The following TRIM71 variants were observed in gnomAD, a reference collection of about 807,000 sequenced individuals.
The protein encoded by TRIM71 is E3 ubiquitin-protein ligase TRIM71.
TRIM71 carries 9 observed loss-of-function variants against 61.2 expected under a neutral mutation model. That is an observed-to-expected ratio of 0.15 (90% confidence interval 0.09 to 0.26). The LOEUF is 0.26. Among genes scored for constraint, TRIM71 ranks in the 10% least tolerant of loss-of-function variants. The pLI, the probability that TRIM71 is intolerant of heterozygous loss-of-function variation, is 1.00. For missense variants in TRIM71, 998 were observed against 1,238.7 expected (o/e 0.81, Z 2.92); for synonymous variants, 645 against 553.2 (o/e 1.17, Z -2.33).
At chr3:32,859,239 T>C (rs1187539167) in intron 1 of TRIM71, among the ~76,000 whole-genome samples, 2 of 152,206 alleles carry the variant, frequency 1.3e-5, no homozygotes, top group Non-Finnish European at 2.9e-5. Context: ...AAAAACATGA[T>C]GAGTGGTACC....
Position 32,825,384 on chromosome 3 carries a change from A to C in TRIM71, c.852+6452A>C, listed in dbSNP as rs576443929. ...CTGGTTCAAGAGAAATTTTCATTAA[A>C]TAATTCTGTAGCTCTAAAATTTAAC... On this transcript the variant is annotated intron_variant, in intron 1 of 3. Coordinates refer to ENST00000383763, the MANE Select transcript of TRIM71 (RefSeq NM_001039111.3). Among the ~76,000 whole-genome samples, 5 of 152,306 alleles carry C rather than the reference A, an allele frequency of 3.3e-5. No individual in the cohort carries two copies. In the East Asian group the frequency reaches 9.6e-4, roughly 29 times the overall value.
rs1398639664 is a variant in TRIM71, at chr3:32,890,178, C to G, written c.1156-182C>G. 6.6e-6 allele frequency among the ~76,000 whole-genome samples: 1 copy of G among 152,090 alleles called. No individual in the cohort carries two copies. The highest frequency in any genetic ancestry group is 1.5e-5 in the Non-Finnish European group (1 of 68,010). ...CTATCCTCTGTAACCCAGAACAGTTCTTCAGGTTTTTTGGTCCATTTTGAT... is the reference window on the plus strand; with the variant it reads ...CTATCCTCTGTAACCCAGAACAGTTGTTCAGGTTTTTTGGTCCATTTTGAT... On this transcript the variant is annotated intron_variant, in intron 3 of 3. Transcript: ENST00000383763. The surrounding 1 kb of genome is among the most constrained non-coding windows in gnomAD (Gnocchi z 6.2).
At chr3:32,862,557 C>T (rs1214484663) in intron 1 of TRIM71, among the ~76,000 whole-genome samples, 1 of 152,196 alleles carries the variant, frequency 6.6e-6, no homozygotes, top group East Asian at 1.9e-4. Context: ...TAAATGTCAG[C>T]CCCAAAGTAC....
Position 32,833,184 on chromosome 3 carries a change from T to TAAAAAAAAAAAAAAAAAAAAA in TRIM71, c.852+14260_852+14280dup, listed in dbSNP as rs1182178339. On this transcript the variant is annotated intron_variant, in intron 1 of 3. Transcript: ENST00000383763. The stretch of plus-strand genomic sequence containing the variant: ...GGTGACAAGAATGAAACTCTGTCTT[T>TAAAAAAAAAAAAAAAAAAAAA]AAAAAAAAAAAAAAAAAAAAAAAAA... Among the ~76,000 whole-genome samples the TAAAAAAAAAAAAAAAAAAAAA allele has an allele frequency of 4.4e-4, 24 of 54,428 alleles. 1 individual carries two copies. Among genetic ancestry groups the TAAAAAAAAAAAAAAAAAAAAA allele is most frequent in the East Asian group, 1.7e-3 (2 of 1,158 alleles). The allele number at this position is 54,428 out of a possible 152,430, so 35.7% of individuals were successfully genotyped here.
chr3:32,826,035 G>A (rs1696197236), intron 1 of TRIM71, among the ~76,000 whole-genome samples: 2 of 152,116 alleles, frequency 1.3e-5, no homozygotes, highest in African/African-American at 4.8e-5. Context: ...TGACTTAAAC[G>A]ATATTCCAAA....
In TRIM71 at chr3:32,818,882, C is replaced by T. The variant is rs1170657715; in HGVS notation, c.802C>T (p.Leu268Phe). The stretch of plus-strand genomic sequence containing the variant: ...CTTTCCCGGCCCGCCCTTCTCCATC[C>T]TCTCAGTGTTTCCCGAGCGCCTCGG... ...PPFPGPPFSI[L>F]SVFPERLGFC... The change falls in exon 1 of 4, where the codon CTC becomes TTC. Residue 268 changes from leucine (L) to phenylalanine (F), a missense_variant. Leu to Phe is a conservative substitution (Grantham distance 22). Transcript: ENST00000383763. 2.5e-6 allele frequency: 4 copies of T among 1,612,612 alleles called. No individual in the cohort carries two copies. Among genetic ancestry groups the T allele is most frequent in the Admixed American group, 1.7e-5 (1 of 59,936 alleles).
intron 1 of TRIM71, among the ~76,000 whole-genome samples, chr3:32,831,858 T>C (rs889790432): frequency 5.3e-5 from 8 of 152,200 alleles, no homozygotes; most frequent in African/African-American, 1.7e-4. Context: ...TTAAAAGATA[T>C]ATTTTGGTTG....
At chr3:32,868,295 A>T (rs1696760342) in intron 1 of TRIM71, among the ~76,000 whole-genome samples, 1 of 152,190 alleles carries the variant, frequency 6.6e-6, no homozygotes, top group African/African-American at 2.4e-5. Flanking sequence ...AGAATTCGGG[A>T]ATTCTTACTA....
chr3:32,823,198 G>T (rs114344702), intron 1 of TRIM71, among the ~76,000 whole-genome samples: 1,630 of 152,302 alleles, frequency 0.011, 14 homozygotes, highest in Middle Eastern at 0.031. Flanking sequence ...AAAATATATG[G>T]GAGGGAAATG....
At chr3:32,823,692 G>GCAGTGAGCC (rs1311158864) in intron 1 of TRIM71, among the ~76,000 whole-genome samples, 2 of 151,130 alleles carry the variant, frequency 1.3e-5, no homozygotes, top group Non-Finnish European at 3.0e-5. Context: ...GGCGGAGGTT[G>GCAGTGAGCC]CAGTGAGCCG....
intron 1 of TRIM71, among the ~76,000 whole-genome samples, chr3:32,870,086 T>G (rs981230291): frequency 1.2e-4 from 18 of 152,230 alleles, no homozygotes; most frequent in Non-Finnish European, 2.4e-4. Context: ...CAGAGAGAAT[T>G]ACATCCATGC....
Position 32,818,538 on chromosome 3 carries a change from C to T in TRIM71, c.458C>T (p.Ala153Val), listed in dbSNP as rs960944177. 1.2e-4 allele frequency: 157 copies of T among 1,340,430 alleles called. No individual in the cohort carries two copies. Among genetic ancestry groups the T allele is most frequent in the Non-Finnish European group, 1.4e-4 (152 of 1,050,728 alleles). The allele number at this position is 1,340,430 out of a possible 1,614,324, so 83.0% of individuals were successfully genotyped here. A position where few individuals can be genotyped will look rare whatever the true frequency, so the allele number is the denominator to read the frequency against. ...AGGHSNHRHH[A>V]HHAHPRASAS... Reference sequence around the variant, plus strand: ...GGCCACAGCAACCACCGGCACCACGCTCACCACGCGCACCCGCGCGCGTCC... The same window carrying T: ...GGCCACAGCAACCACCGGCACCACGTTCACCACGCGCACCCGCGCGCGTCC... The change falls in exon 1 of 4, where the codon GCT (alanine) becomes GTT (valine). Residue 153 changes from alanine to valine, a missense_variant. By Grantham distance (64) the Ala-to-Val change is moderately conservative (BLOSUM62 0). Around this residue, in one of 5 missense-constraint regions of TRIM71, gnomAD observed 527 missense variants for 427.8 expected, o/e 1.23. Coordinates refer to ENST00000383763, the MANE Select transcript of TRIM71 (RefSeq NM_001039111.3).
chr3:32,819,453 C>T (rs1177941678), intron 1 of TRIM71, among the ~76,000 whole-genome samples: 1 of 152,178 alleles, frequency 6.6e-6, no homozygotes, highest in East Asian at 1.9e-4. Context: ...CTGGTTTCCA[C>T]GTGCGCACTT....
intron 2 of TRIM71, among the ~76,000 whole-genome samples, chr3:32,878,275 C>CT (rs994079644): frequency 2.6e-5 from 4 of 152,178 alleles, no homozygotes; most frequent in African/African-American, 9.6e-5. Flanking sequence ...TGAAGGGAAT[C>CT]TTTTTTTCTG....
chr3:32,841,981 C>CT (rs1035599986), intron 1 of TRIM71, among the ~76,000 whole-genome samples: 1 of 152,136 alleles, frequency 6.6e-6, no homozygotes, highest in African/African-American at 2.4e-5. Context: ...CGCCATACAC[C>CT]TAGGAACAAC....
intron 1 of TRIM71, among the ~76,000 whole-genome samples, chr3:32,867,733 A>T (rs1418812660): frequency 6.6e-6 from 1 of 152,226 alleles, no homozygotes; most frequent in Non-Finnish European, 1.5e-5. Context: ...TTGTGGTGAG[A>T]ACACATAAAA....
intron 1 of TRIM71, among the ~76,000 whole-genome samples, chr3:32,866,621 G>A (rs965671334): frequency 2.0e-5 from 3 of 152,180 alleles, no homozygotes; most frequent in African/African-American, 4.8e-5. Context: ...TTGAGGCTCC[G>A]AGACTTTGGA....
In TRIM71 at chr3:32,854,524, T is replaced by C. The variant is rs183100074; in HGVS notation, c.853-19294T>C. Among the ~76,000 whole-genome samples the C allele has an allele frequency of 1.6e-4, 25 of 152,298 alleles. No individual in the cohort carries two copies. In the East Asian group the frequency reaches 2.9e-3, roughly 18 times the overall value. ...TGGAATGTAATCCATGAATGAGATT[T>C]TGATGGAATTAGCTGTGTGCAGAAC... On this transcript the variant is annotated intron_variant, in intron 1 of 3. Coordinates refer to ENST00000383763, the MANE Select transcript of TRIM71 (RefSeq NM_001039111.3).
chr3:32,830,451 A>G (rs1372634271), intron 1 of TRIM71, among the ~76,000 whole-genome samples: 1 of 152,194 alleles, frequency 6.6e-6, no homozygotes, highest in Non-Finnish European at 1.5e-5. Flanking sequence ...TCTTGAAATG[A>G]TAACTCCATC....
Sources: gnomAD v4.1 joint callset for allele counts (sites outside exome capture counted in the v4.1 genomes callset) on GRCh38, gnomAD v4.1.1 for gene constraint, gnomAD v4.1.1 regional missense constraint, Gnocchi (gnomAD v3.1) non-coding constraint, MANE v1.5 for transcripts, NCBI Gene and HGNC (gene_info 2026-07-23, HGNC 2026-07-21) for gene names.